The following GLDC variants were observed in gnomAD, a reference collection of about 807,000 sequenced individuals.
The protein encoded by GLDC is glycine decarboxylase, also known as glycine dehydrogenase (decarboxylating), mitochondrial.
A neutral mutation model predicts 121.3 loss-of-function variants in GLDC; 104 were observed. The observed-to-expected ratio is 0.86, with a 90% confidence interval of 0.73 to 1.01. The LOEUF is 1.01. Among genes scored for constraint, GLDC ranks in the 50% least tolerant of loss-of-function variants. The pLI is 0.00. For missense variants in GLDC, 1,429 were observed against 1,306.6 expected (o/e 1.09, Z -1.44); for synonymous variants, 546 against 480.6 (o/e 1.14, Z -1.78).
At chr9:6,638,562 C>G (rs112917922) in intron 2 of GLDC, among the ~76,000 whole-genome samples, 31 of 152,302 alleles carry the variant, frequency 2.0e-4, no homozygotes, top group African/African-American at 6.7e-4. Flanking sequence ...ACTCTTAACT[C>G]TGTCTTTCCA....
At chr9:6,605,353 T>C (rs1460929687) in intron 5 of GLDC, 75 bp from the exon 6 acceptor site, 1 of 1,480,672 alleles carries the variant, frequency 6.8e-7, no homozygotes, top group Non-Finnish European at 9.3e-7. Context: ...TCTTTTCCAG[T>C]AAGACAGCAT....
intron 15 of GLDC, chr9:6,567,472 GATC>G (rs1430711098): frequency 1.3e-5 from 2 of 152,246 alleles, no homozygotes; most frequent in African/African-American, 4.8e-5. Flanking sequence ...TGTGTAGTGA[GATC>G]ATCAAGGTCA....
intron 15 of GLDC, among the ~76,000 whole-genome samples, chr9:6,568,335 G>A (rs1817890837): frequency 6.6e-6 from 1 of 152,278 alleles, no homozygotes. Flanking sequence ...CCACCTGTTG[G>A]TAGAAAAGTC....
At chr9:6,565,489 C>A in intron 15 of GLDC, 60 bp from the exon 16 acceptor site, 1 of 1,316,766 alleles carries the variant, frequency 7.6e-7, no homozygotes, top group Non-Finnish European at 1.1e-6. Context: ...TTTACTCATT[C>A]AATATTTATT....
At chr9:6,533,183 A>G in intron 24 of GLDC, 23 bp from the exon 25 acceptor site, 1 of 1,611,620 alleles carries the variant, frequency 6.2e-7, no homozygotes, top group African/African-American at 1.3e-5. Flanking sequence ...AAAGATGGAA[A>G]TGCTGTGAGA....
At chr9:6,603,492 A>C (rs1818660801) in intron 7 of GLDC, among the ~76,000 whole-genome samples, 1 of 151,750 alleles carries the variant, frequency 6.6e-6, no homozygotes, top group African/African-American at 2.4e-5. Flanking sequence ...CGTTTACACC[A>C]CTGCACTCCA....
At chr9:6,585,277 A>T (rs561397957) in intron 15 of GLDC, among the ~76,000 whole-genome samples, 4 of 152,330 alleles carry the variant, frequency 2.6e-5, no homozygotes, top group South Asian at 4.1e-4. Context: ...AGTCTTGAAA[A>T]ATCACTCTCC....
intron 8 of GLDC, among the ~76,000 whole-genome samples, chr9:6,600,228 C>T (rs574911845): frequency 2.6e-5 from 4 of 152,064 alleles, no homozygotes; most frequent in South Asian, 4.2e-4. Context: ...ATTAGCTGGG[C>T]GTGGTGGAAT....
In GLDC at chr9:6,645,237, G is replaced by T; in HGVS notation, c.255+8C>A. 6.3e-7 allele frequency: 1 copy of T among 1,584,114 alleles called. No homozygotes were observed. Among genetic ancestry groups the T allele is most frequent in the South Asian group, 1.1e-5 (1 of 87,836 alleles). On this transcript the variant is annotated splice_region_variant and intron_variant, in intron 1 of 24. Coordinates refer to ENST00000321612, the MANE Select transcript of GLDC (RefSeq NM_000170.3). ...GGAGGCCGCGGAGGGCCGGGTGGAGGTCCTTACCGCCAGCCCCAAGGTCTG... is the reference window on the plus strand; with the variant it reads ...GGAGGCCGCGGAGGGCCGGGTGGAGTTCCTTACCGCCAGCCCCAAGGTCTG...
chr9:6,534,567 C>G (rs1817077251), intron 24 of GLDC, 141 bp downstream of exon 24: 1 of 661,784 alleles, frequency 1.5e-6, no homozygotes, highest in Non-Finnish European at 2.8e-6. Flanking sequence ...TTTCTTTGCT[C>G]CTCATTCCTC....
At chr9:6,611,433 G>A (rs1458491042) in intron 3 of GLDC, among the ~76,000 whole-genome samples, 1 of 152,144 alleles carries the variant, frequency 6.6e-6, no homozygotes, top group Admixed American at 6.6e-5. Context: ...GCACGTGCCT[G>A]TAGTCCCAGC....
chr9:6,634,559 CAA>C lies in GLDC; in HGVS notation c.334+10053_334+10054del, dbSNP rs57883473. Reference sequence around the variant, plus strand: ...AACAAACAAACAAACAAACAAAAAACAAAAAAAAAACCCGCCATGCTTCTCCT... The same window carrying C: ...AACAAACAAACAAACAAACAAAAAACAAAAAAAACCCGCCATGCTTCTCCT... On this transcript the variant is annotated intron_variant, in intron 2 of 24. Coordinates refer to ENST00000321612, the MANE Select transcript of GLDC (RefSeq NM_000170.3). 1.8e-4 allele frequency among the ~76,000 whole-genome samples: 26 copies of C among 146,374 alleles called. No individual in the cohort carries two copies. In the South Asian group the frequency reaches 2.3e-3, roughly 13 times the overall value.
Position 6,558,696 on chromosome 9 carries a change from A to C in GLDC, c.1927-12T>G. 2 of 1,614,180 alleles carry C rather than the reference A, an allele frequency of 1.2e-6. No homozygotes were observed. Among genetic ancestry groups the C allele is most frequent in the African/African-American group, 1.3e-5 (1 of 75,060 alleles). On this transcript the variant is annotated splice_polypyrimidine_tract_variant and intron_variant, in intron 16 of 24. Transcript: ENST00000321612. ...GGAATGAGGCAAACCTACAGAATAG[A>C]AAGGAAGCAAAGAAAGAGCAAAATC...
intron 20 of GLDC, among the ~76,000 whole-genome samples, chr9:6,551,435 C>T (rs533433080): frequency 9.2e-5 from 14 of 152,308 alleles, no homozygotes; most frequent in East Asian, 3.9e-4. Flanking sequence ...AAGGGATACA[C>T]ATCATCACTG....
chr9:6,535,955 A>G (rs1817117641), intron 23 of GLDC, 109 bp downstream of exon 23: 1 of 943,636 alleles, frequency 1.1e-6, no homozygotes, highest in Admixed American at 1.7e-5. Context: ...ACCTTATTCT[A>G]GGGAAGAGTA....
chr9:6,622,366 C>G (rs1755613), intron 2 of GLDC, among the ~76,000 whole-genome samples: 35 of 148,000 alleles, frequency 2.4e-4, no homozygotes, highest in African/African-American at 8.0e-4. Flanking sequence ...CTCAGCCTGA[C>G]GAGTGCCTGC....
At chr9:6,640,297 G>C (rs1020523439) in intron 2 of GLDC, among the ~76,000 whole-genome samples, 1 of 152,202 alleles carries the variant, frequency 6.6e-6, no homozygotes, top group African/African-American at 2.4e-5. Context: ...TGAATGAGTC[G>C]GGAATGGCCA....
At position 6,554,605 on chromosome 9, in the gene GLDC, T is replaced by C. The variant is rs185654900; in HGVS notation, c.2315+64A>G. 9 of 1,081,946 alleles carry C rather than the reference T, an allele frequency of 8.3e-6. No individual in the cohort carries two copies. The East Asian group carries it at 2.0e-4, about 24-fold the overall frequency. 67.0% of individuals were successfully genotyped at this position (1,081,946 alleles called of 1,614,324 possible). A position where few individuals can be genotyped will look rare whatever the true frequency, so the allele number is the denominator to read the frequency against. ...GAAGACTTTGATGGGATGAGTAGTC[T>C]ATTTAGGGCCACTCCTTCATTCTGT... On this transcript the variant is annotated intron_variant, in intron 19 of 24. Transcript: ENST00000321612.
At chr9:6,588,729 G>A (rs1400026795) in intron 12 of GLDC, 27 bp from the exon 13 acceptor site, 2 of 1,459,550 alleles carry the variant, frequency 1.4e-6, no homozygotes, top group African/African-American at 2.8e-5. Context: ...CAGAATTAGG[G>A]GCCCCAAAAG....
Sources: allele counts gnomAD v4.1 joint callset (sites outside exome capture counted in the v4.1 genomes callset), GRCh38; gene constraint gnomAD v4.1.1; transcripts MANE v1.5; gene names NCBI Gene and HGNC (gene_info 2026-07-23, HGNC 2026-07-21).